TCF7L2: variants seen among roughly 807,000 people sequenced by gnomAD.
TCF7L2 encodes transcription factor 7 like 2, also known as transcription factor 7-like 2.
In TCF7L2, 23 loss-of-function variants were observed where a neutral mutation model predicts 77.9. The observed-to-expected ratio is 0.30, with a 90% CI of 0.21 to 0.42. The LOEUF is 0.42. TCF7L2 is among the 10% of genes least tolerant of loss of function. TCF7L2 has a pLI of 1.00. For synonymous variants in TCF7L2, 413 were observed against 340.2 expected (o/e 1.21, Z -2.36); for missense variants, 654 against 793.1 (o/e 0.82, Z 2.11).
At chr10:113,030,313 C>T (rs575957421) in intron 4 of TCF7L2, among the ~76,000 whole-genome samples, 26 of 152,298 alleles carry the variant, frequency 1.7e-4, no homozygotes, top group African/African-American at 4.6e-4. Flanking sequence ...ATCCAGCTAT[C>T]GGTTGAGACT....
At chr10:113,138,057 GGTATGACCACAGA>G (rs1228520752) in intron 5 of TCF7L2, among the ~76,000 whole-genome samples, 2 of 152,198 alleles carry the variant, frequency 1.3e-5, no homozygotes, top group African/African-American at 4.8e-5. Flanking sequence ...GGTTTTGGCA[GGTATGACCACAGA>G]GTTCTCCTCT....
At chr10:113,029,012 C>T (rs1312901380) in intron 4 of TCF7L2, among the ~76,000 whole-genome samples, 1 of 152,174 alleles carries the variant, frequency 6.6e-6, no homozygotes, top group African/African-American at 2.4e-5. Flanking sequence ...CAAATCTTAG[C>T]TGCCTTGGAC....
At chr10:113,129,377 C>CG in intron 5 of TCF7L2, 19 of 990,638 alleles carry the variant, frequency 1.9e-5, no homozygotes, top group Non-Finnish European at 2.2e-5. Flanking sequence ...CCCAAGGTAA[C>CG]GGGTGAGGGA....
At chr10:113,036,665 C>CTTCTTTCTTTCT (rs71489996) in intron 4 of TCF7L2, among the ~76,000 whole-genome samples, 21,131 of 150,842 alleles carry the variant, frequency 0.14, 1,857 homozygotes, top group Middle Eastern at 0.23. Context: ...CCAAGATGGC[C>CTTCTTTCTTTCT]TTCTTTCTTT....
At chr10:113,079,548 TG>T (rs965140752) in intron 5 of TCF7L2, among the ~76,000 whole-genome samples, 1 of 152,168 alleles carries the variant, frequency 6.6e-6, no homozygotes, top group African/African-American at 2.4e-5. Context: ...CTTTACAAAG[TG>T]GGGGGAACCC....
chr10:113,006,578 G>T (rs1193703466), intron 4 of TCF7L2, among the ~76,000 whole-genome samples: 1 of 152,164 alleles, frequency 6.6e-6, no homozygotes, highest in African/African-American at 2.4e-5. Flanking sequence ...GAACTTTTCT[G>T]GCATCTCAGA....
At chr10:113,029,596 G>A (rs950187710) in intron 4 of TCF7L2, among the ~76,000 whole-genome samples, 4 of 147,118 alleles carry the variant, frequency 2.7e-5, no homozygotes, top group South Asian at 2.1e-4. Context: ...GCGTGATCTC[G>A]GCTCACTGCA....
intron 8 of TCF7L2, among the ~76,000 whole-genome samples, chr10:113,148,995 C>T (rs774981601): frequency 6.6e-6 from 1 of 152,156 alleles, no homozygotes; most frequent in African/African-American, 2.4e-5. Context: ...GTTTTTCTCT[C>T]TCCCCCTCCC....
chr10:112,951,010 G>C, intron 1 of TCF7L2, 65 bp downstream of exon 1: 2 of 1,539,594 alleles, frequency 1.3e-6, no homozygotes, highest in South Asian at 1.2e-5. Context: ...AAATGTTGCT[G>C]AAAGGGGAGA....
In TCF7L2 at chr10:112,969,884, T is replaced by C. The variant is rs572746054; in HGVS notation, c.450+5260T>C. Among the ~76,000 whole-genome samples, 28 of 152,358 alleles carry C rather than the reference T, an allele frequency of 1.8e-4. No homozygotes were observed. In the South Asian group the frequency reaches 5.0e-3, roughly 27 times the overall value. On this transcript the variant is annotated intron_variant, in intron 4 of 13. Transcript: ENST00000627217. ...ATTGTAGATAATGTTTAGGCATCTC[T>C]ATTGCCTTCATGAAGAAAGCCCTTC...
chr10:113,027,783 CCT>C (rs1043708925), intron 4 of TCF7L2, among the ~76,000 whole-genome samples: 202 of 152,226 alleles, frequency 1.3e-3, no homozygotes, highest in African/African-American at 4.7e-3. Flanking sequence ...TCTCTCCCCC[CCT>C]CACCCTATTC....
intron 5 of TCF7L2, among the ~76,000 whole-genome samples, chr10:113,085,343 T>A (rs1459178234): frequency 6.6e-6 from 1 of 152,052 alleles, no homozygotes; most frequent in Admixed American, 6.6e-5. Context: ...GTGCTGGGAT[T>A]ATAGGTGTAA....
chr10:113,151,523 T>C lies in TCF7L2; in HGVS notation c.1002-202T>C, dbSNP rs558777333. 6.6e-6 allele frequency among the ~76,000 whole-genome samples: 1 copy of C among 152,228 alleles called. No individual in the cohort carries two copies. The highest frequency in any genetic ancestry group is 1.5e-5 in the Non-Finnish European group (1 of 68,022). On this transcript the variant is annotated intron_variant, in intron 9 of 13. Transcript: ENST00000627217. The surrounding 1 kb of genome is among the most constrained non-coding windows in gnomAD (Gnocchi z 5.2). ...ATATTTGTGAAACTTGAGGAAGTGA[T>C]TGCAAAATCCCTCTCTTCCCCCAAC... is the stretch of plus-strand genomic sequence containing the variant.
chr10:113,160,516 C>G, intron 12 of TCF7L2: 1 of 1,016,038 alleles, frequency 9.8e-7, no homozygotes, highest in African/African-American at 1.7e-5. Context: ...CAAATAGAAC[C>G]AAGGTGATAG....
chr10:113,133,854 C>T (rs1226294703), intron 5 of TCF7L2, among the ~76,000 whole-genome samples: 2 of 152,056 alleles, frequency 1.3e-5, no homozygotes, highest in African/African-American at 4.8e-5. Flanking sequence ...AGCACCCTTC[C>T]TAGGAGGCTC....
intron 4 of TCF7L2, among the ~76,000 whole-genome samples, chr10:112,993,643 A>C (rs1249212728): frequency 6.6e-6 from 1 of 152,222 alleles, no homozygotes; most frequent in Non-Finnish European, 1.5e-5. Context: ...TATCCCAGCA[A>C]GCACTTAAAA....
intron 3 of TCF7L2, among the ~76,000 whole-genome samples, chr10:112,959,882 G>A (rs1052179461): frequency 6.6e-6 from 1 of 152,028 alleles, no homozygotes; most frequent in Non-Finnish European, 1.5e-5. Context: ...GTTTCTTAAG[G>A]TAATTACATG....
chr10:113,070,866 A>G (rs993184818), intron 5 of TCF7L2, among the ~76,000 whole-genome samples: 1 of 152,228 alleles, frequency 6.6e-6, no homozygotes, highest in African/African-American at 2.4e-5. Context: ...TTGTGCGAGC[A>G]TCGTCACAGT....
At chr10:112,962,870 A>T (rs1045363921) in intron 3 of TCF7L2, among the ~76,000 whole-genome samples, 1 of 152,174 alleles carries the variant, frequency 6.6e-6, no homozygotes, top group Non-Finnish European at 1.5e-5. Flanking sequence ...AAGTGCTGGG[A>T]TTACAGGCGT....
Sources: allele counts gnomAD v4.1 joint callset (sites outside exome capture counted in the v4.1 genomes callset), GRCh38; gene constraint gnomAD v4.1.1; non-coding constraint Gnocchi (gnomAD v3.1); transcripts MANE v1.5; gene names NCBI Gene and HGNC (gene_info 2026-07-23, HGNC 2026-07-21).